Variants in RAB29 observed in about 807,000 individuals in gnomAD.
RAB29 encodes ras-related protein Rab-29.
RAB29 carries 13 observed loss-of-function variants against 25.5 expected under a neutral mutation model. The observed-to-expected ratio is 0.51, with a 90% confidence interval of 0.33 to 0.81. RAB29 has a LOEUF of 0.81. Among genes scored for constraint, RAB29 ranks in the 30% least tolerant of loss-of-function variants. The probability of loss-of-function intolerance (pLI) is 0.02; values close to 1 mark genes in which losing one functional copy is unlikely to be tolerated. For synonymous variants in RAB29, 88 were observed against 95.0 expected (o/e 0.93, Z 0.43); for missense variants, 201 against 254.9 (o/e 0.79, Z 1.44).
intron 5 of RAB29, 68 bp downstream of exon 5, chr1:205,770,665 A>G: frequency 6.2e-7 from 1 of 1,606,306 alleles, no homozygotes; most frequent in South Asian, 1.1e-5. Context: ...AGAAATAAGA[A>G]AAGAGGGTCC....
In RAB29 at chr1:205,770,108, AC is replaced by A; in HGVS notation, c.*233del. The stretch of plus-strand genomic sequence containing the variant: ...TTGAGGGCTGATGAGAAGATCTTAC[AC>A]CGAAGGCACTAACTGGCACTAATGT... On this transcript the variant is annotated 3_prime_UTR_variant, in exon 6 of 6. Transcript: ENST00000367139. 5.3e-6 allele frequency: 3 copies of A among 562,570 alleles called. No homozygotes were observed. The highest frequency in any genetic ancestry group is 9.5e-6 in the Non-Finnish European group (3 of 314,322). 34.8% of individuals were successfully genotyped at this position (562,570 alleles called of 1,614,324 possible).
intron 4 of RAB29, 145 bp from the exon 5 acceptor site, chr1:205,770,999 A>G (rs1654965806): frequency 8.4e-7 from 1 of 1,191,356 alleles, no homozygotes; most frequent in African/African-American, 1.5e-5. Context: ...CATTCTTCCC[A>G]AAGAAAGTCT....
chr1:205,775,348 G>T lies in RAB29; in HGVS notation c.-206C>A, dbSNP rs946523874. The T allele has an allele frequency of 5.7e-6, 1 of 176,190 alleles. No individual in the cohort carries two copies. Among genetic ancestry groups the T allele is most frequent in the African/African-American group, 2.4e-5 (1 of 41,824 alleles). 10.9% of individuals were successfully genotyped at this position (176,190 alleles called of 1,614,324 possible). On this transcript the variant is annotated 5_prime_UTR_variant, in exon 1 of 6. Coordinates refer to ENST00000367139, the MANE Select transcript of RAB29 (RefSeq NM_003929.3). The stretch of plus-strand genomic sequence containing the variant: ...CCTTACACCACTGGGGCCAGATGAT[G>T]GGGACCCTCCCCTTGCAGCACAAAC...
Position 205,770,807 on chromosome 1 carries a change from G to T in RAB29, c.426C>A (p.Phe142Leu). Reference sequence around the variant, plus strand: ...AACCTGTGAAACCGTTCTCTTTACTGAACCGGTCAATCTGGTCCCGGCTCA... The same window carrying T: ...AACCTGTGAAACCGTTCTCTTTACTTAACCGGTCAATCTGGTCCCGGCTCA... ...WAVSRDQIDR[F>L]SKENGFTGWT... is the part of the protein sequence containing the mutation. Residue 142 changes from phenylalanine (F) to leucine (L), a missense_variant, in exon 5 of 6, where the codon TTC becomes TTA. Transcript: ENST00000367139. 6.2e-7 allele frequency: 1 copy of T among 1,614,072 alleles called. No homozygotes were observed. Among genetic ancestry groups the T allele is most frequent in the South Asian group, 1.1e-5 (1 of 91,072 alleles).
intron 2 of RAB29, among the ~76,000 whole-genome samples, chr1:205,773,154 T>C (rs1292294739): frequency 1.3e-5 from 2 of 152,188 alleles, no homozygotes; most frequent in African/African-American, 4.8e-5. Flanking sequence ...CCTGCTGGAA[T>C]CTACCACCAA....
Position 205,772,528 on chromosome 1 carries a change from T to G in RAB29, c.164A>C (p.Glu55Ala). ...ALKVLQWSDY[E>A]IVRLQLWDIA... ...ATCCCACAGCTGAAGCCGCACTATC[T>G]CGTAGTCAGACCACTGGAGAACCTT... is the stretch of plus-strand genomic sequence containing the variant. Residue 55 changes from glutamate (E) to alanine (A), a missense_variant, in exon 3 of 6, where the codon GAG becomes GCG. Transcript: ENST00000367139. 1 of 1,614,038 alleles carries G rather than the reference T, an allele frequency of 6.2e-7. No individual in the cohort carries two copies. The highest frequency in any genetic ancestry group is 2.2e-5 in the East Asian group (1 of 44,886).
In RAB29 at chr1:205,774,999, G is replaced by A; in HGVS notation, c.-43C>T. The stretch of plus-strand genomic sequence containing the variant: ...TTTTAGGGAGGCGGGAAGTGTGGTC[G>A]GGGATCGGGGGTCGCTCGTTTTAAC... On this transcript the variant is annotated 5_prime_UTR_variant, in exon 2 of 6. Transcript: ENST00000367139. The A allele has an allele frequency of 6.2e-7, 1 of 1,609,506 alleles. No individual in the cohort carries two copies. The highest frequency in any genetic ancestry group is 1.1e-5 in the South Asian group (1 of 91,020).
rs1654807041 is a variant in RAB29 at position 205,768,213 on chromosome 1, C to A, written c.*2129G>T. 2 of 152,224 alleles carry A rather than the reference C, an allele frequency of 1.3e-5. No individual in the cohort carries two copies. Among genetic ancestry groups the A allele is most frequent in the African/African-American group, 4.8e-5 (2 of 41,458 alleles). The allele number at this position is 152,224 out of a possible 1,614,324, so 9.4% of individuals were successfully genotyped here. ...TGGCATTAAAACGACACACAACAAA[C>A]CACCGAAGGTTTGGTCCCTTTTCTC... On this transcript the variant is annotated 3_prime_UTR_variant, in exon 6 of 6. Coordinates refer to ENST00000367139, the MANE Select transcript of RAB29 (RefSeq NM_003929.3).
intron 2 of RAB29, 139 bp from the exon 3 acceptor site, chr1:205,772,706 A>C: frequency 2.6e-6 from 2 of 780,406 alleles, no homozygotes; most frequent in Non-Finnish European, 4.4e-6. Context: ...CCCTCAATTC[A>C]CTGAGATGAG....
At chr1:205,772,626 T>C in intron 2 of RAB29, 59 bp from the exon 3 acceptor site, 1 of 1,478,506 alleles carries the variant, frequency 6.8e-7, no homozygotes, top group Non-Finnish European at 9.4e-7. Context: ...TTAATAGGGA[T>C]AAACTCAAAT....
rs780574956 is a variant in RAB29, at chr1:205,771,668, G to GA, written c.197-16dup. ...GCGCTCCTGCCCTGGGGAGAAAGGG[G>GA]AGAGTTCTCAAGGTGACCCAAGAGC... On this transcript the variant is annotated splice_polypyrimidine_tract_variant and intron_variant, in intron 3 of 5. Coordinates refer to ENST00000367139, the MANE Select transcript of RAB29 (RefSeq NM_003929.3). 5.6e-6 allele frequency: 9 copies of GA among 1,612,298 alleles called. No homozygotes were observed. Among genetic ancestry groups the GA allele is most frequent in the Non-Finnish European group, 7.6e-6 (9 of 1,178,494 alleles).
rs1053124033 is a variant in RAB29 at position 205,768,108 on chromosome 1, T to C, written c.*2234A>G. On this transcript the variant is annotated 3_prime_UTR_variant, in exon 6 of 6. Transcript: ENST00000367139. Reference sequence around the variant, plus strand: ...ACTATTATCTTCAGAATCATAGTGATCAAAACCCTACCTGAAAATGGTAAT... The same window carrying C: ...ACTATTATCTTCAGAATCATAGTGACCAAAACCCTACCTGAAAATGGTAAT... 6 of 152,198 alleles carry C rather than the reference T, an allele frequency of 3.9e-5. No individual in the cohort carries two copies. Among genetic ancestry groups the C allele is most frequent in the Admixed American group, 2.6e-4 (4 of 15,278 alleles). The allele number at this position is 152,198 out of a possible 1,614,324, so 9.4% of individuals were successfully genotyped here. A position where few individuals can be genotyped will look rare whatever the true frequency, so the allele number is the denominator to read the frequency against.
At chr1:205,772,219 A>G (rs1028643019) in intron 3 of RAB29, among the ~76,000 whole-genome samples, 21 of 152,158 alleles carry the variant, frequency 1.4e-4, no homozygotes, top group Admixed American at 5.9e-4. Context: ...TTAAACCTAG[A>G]AAAAGCACCC....
At chr1:205,772,166 T>C (rs1314899371) in intron 3 of RAB29, among the ~76,000 whole-genome samples, 6 of 152,070 alleles carry the variant, frequency 3.9e-5, no homozygotes, top group Admixed American at 3.9e-4. Flanking sequence ...CTATTTTTAC[T>C]GTATCTATTT....
rs1654818611 is a variant in RAB29 at position 205,768,460 on chromosome 1, A to G, written c.*1882T>C. On this transcript the variant is annotated 3_prime_UTR_variant, in exon 6 of 6. Transcript: ENST00000367139. ...CACCAGGGAAGCTCTGAAAACAACA[A>G]CACATTCCTAGGCTTCATCCCTAGA... is the stretch of plus-strand genomic sequence containing the variant. 6.6e-6 allele frequency: 1 copy of G among 152,118 alleles called. No homozygotes were observed. Among genetic ancestry groups the G allele is most frequent in the South Asian group, 2.1e-4 (1 of 4,832 alleles). The allele number at this position is 152,118 out of a possible 1,614,324, so 9.4% of individuals were successfully genotyped here. A position where few individuals can be genotyped will look rare whatever the true frequency, so the allele number is the denominator to read the frequency against.
At chr1:205,771,034 C>T (rs2102472147) in intron 4 of RAB29, 180 bp from the exon 5 acceptor site, 3 of 820,730 alleles carry the variant, frequency 3.7e-6, no homozygotes, top group East Asian at 3.1e-5. Flanking sequence ...CGCAGTGGCT[C>T]ACGCCTGTAA....
chr1:205,772,664 C>T, intron 2 of RAB29, 97 bp from the exon 3 acceptor site: 1 of 1,087,514 alleles, frequency 9.2e-7, no homozygotes, highest in Non-Finnish European at 1.4e-6. Flanking sequence ...CCTATGGACA[C>T]ACAACTCCAA....
chr1:205,771,672 G>A lies in RAB29; in HGVS notation c.197-19C>T, dbSNP rs1175629449. On this transcript the variant is annotated intron_variant, in intron 3 of 5. Transcript: ENST00000367139. ...TCCTGCCCTGGGGAGAAAGGGGAGA[G>A]TTCTCAAGGTGACCCAAGAGCCGGC... 1.2e-6 allele frequency: 2 copies of A among 1,609,952 alleles called. No homozygotes were observed. Among genetic ancestry groups the A allele is most frequent in the Admixed American group, 3.3e-5 (2 of 60,014 alleles).
At chr1:205,771,705 C>CG (rs1330839517) in intron 3 of RAB29, 52 bp from the exon 4 acceptor site, 10 of 1,541,882 alleles carry the variant, frequency 6.5e-6, no homozygotes, top group Non-Finnish European at 9.0e-6. Context: ...GGCCTCTCCC[C>CG]ATTCCTTGTA....
Sources: allele counts gnomAD v4.1 joint callset (sites outside exome capture counted in the v4.1 genomes callset), GRCh38; gene constraint gnomAD v4.1.1; transcripts MANE v1.5; gene names NCBI Gene and HGNC (gene_info 2026-07-23, HGNC 2026-07-21).